Variants in SMG1 observed in about 807,000 individuals in gnomAD.
The protein encoded by SMG1 is serine/threonine-protein kinase SMG1.
A neutral mutation model predicts 419.9 loss-of-function variants in SMG1; 22 were observed. That is an observed-to-expected ratio of 0.05 (90% CI 0.04 to 0.07). SMG1 has a LOEUF of 0.07. Ranked by LOEUF, SMG1 falls within the 10% of genes least tolerant of loss-of-function variation. The pLI is 1.00. For missense variants in SMG1, 3,185 were observed against 4,342.0 expected, an observed-to-expected ratio of 0.73 and a Z score of 7.49; for synonymous variants, 1,538 against 1,553.5, an observed-to-expected ratio of 0.99 and a Z score of 0.23.
chr16:18,854,259 T>A (rs551222862), intron 30 of SMG1, among the ~76,000 whole-genome samples: 2 of 151,650 alleles, frequency 1.3e-5, no homozygotes, highest in African/African-American at 4.8e-5. Flanking sequence ...CCTAATTTCT[T>A]TGAATTTCAG....
chr16:18,891,117 G>A lies in SMG1; in HGVS notation c.550-196C>T, dbSNP rs145245488. On this transcript the variant is annotated intron_variant, in intron 4 of 62. Transcript: ENST00000446231. ...AGACTATGAAAGAAATTCACCCACT[G>A]GAAACACAGAGCTGTGATCATCAAC... Among the ~76,000 whole-genome samples the A allele has an allele frequency of 3.2e-4, 48 of 152,174 alleles. No homozygotes were observed. In the East Asian group the frequency reaches 9.3e-3, roughly 29 times the overall value.
chr16:18,913,047 TTTACTCATCTAA>T (rs2141976638), intron 1 of SMG1, among the ~76,000 whole-genome samples: 1 of 152,260 alleles, frequency 6.6e-6, no homozygotes, highest in South Asian at 2.1e-4. Context: ...TCTGGATCTT[TTTACTCATCTAA>T]TGAGAAAAGG....
chr16:18,873,508 G>A (rs36054827), intron 13 of SMG1, among the ~76,000 whole-genome samples: 2 of 152,154 alleles, frequency 1.3e-5, no homozygotes, highest in East Asian at 1.9e-4. Context: ...GAACCACTGC[G>A]CCCAGCCCAA....
chr16:18,897,085 A>G (rs952001975), intron 1 of SMG1, 129 bp from the exon 2 acceptor site: 3 of 609,744 alleles, frequency 4.9e-6, no homozygotes. Flanking sequence ...ACTATATATT[A>G]TATGTAAGCA....
At chr16:18,851,618 TA>T (rs1370142974) in intron 33 of SMG1, among the ~76,000 whole-genome samples, 1 of 152,238 alleles carries the variant, frequency 6.6e-6, no homozygotes, top group Non-Finnish European at 1.5e-5. Context: ...TGGAGTGCAG[TA>T]GTGTGATCTC....
intron 39 of SMG1, 91 bp from the exon 40 acceptor site, chr16:18,842,545 G>C: frequency 7.5e-7 from 1 of 1,332,854 alleles, no homozygotes; most frequent in East Asian, 2.5e-5. Context: ...TAAATTTTAG[G>C]TCACGGCGGC....
intron 7 of SMG1, 163 bp downstream of exon 7, chr16:18,885,378 T>G (rs920603756): frequency 1.1e-6 from 1 of 894,834 alleles, no homozygotes; most frequent in African/African-American, 1.7e-5. Flanking sequence ...TTTTAAGGTA[T>G]GAATGTCAGA....
At chr16:18,876,088 G>A in intron 13 of SMG1, 36 bp downstream of exon 13, 1 of 1,607,034 alleles carries the variant, frequency 6.2e-7, no homozygotes, top group South Asian at 1.1e-5. Flanking sequence ...AGGCTTAACT[G>A]TGGATAAAAC....
At position 18,830,348 on chromosome 16, in the gene SMG1, A is replaced by G. The variant is rs763710591; in HGVS notation, c.8814T>C (p.Gly2938=). ...AACCATTTCTCGGTTGGATTAATTCACCGTACTGAGCATGTAGTAGTCTAC... is the reference window on the plus strand; with the variant it reads ...AACCATTTCTCGGTTGGATTAATTCGCCGTACTGAGCATGTAGTAGTCTAC... ...DVARLLHAQY[G]ELIQPRNGSV... The change falls in exon 52 of 63, where the codon GGT becomes GGC. Residue 2938 remains glycine, a synonymous_variant. Coordinates refer to ENST00000446231, the MANE Select transcript of SMG1 (RefSeq NM_015092.5). 1.2e-6 allele frequency: 2 copies of G among 1,613,866 alleles called. No individual in the cohort carries two copies. Among genetic ancestry groups the G allele is most frequent in the Non-Finnish European group, 1.7e-6 (2 of 1,179,894 alleles).
rs572330343 is a variant in SMG1 at position 18,817,114 on chromosome 16, G to A, written c.10074+177C>T. ...TATTTTTAAACATATAATATGTTTC[G>A]GGGCGGGGGGGGGGGCGCTAAGAAA... On this transcript the variant is annotated intron_variant, in intron 57 of 62. Coordinates refer to ENST00000446231, the MANE Select transcript of SMG1 (RefSeq NM_015092.5). Among the ~76,000 whole-genome samples the A allele has an allele frequency of 8.3e-4, 20 of 24,064 alleles. No individual in the cohort carries two copies. The South Asian group carries it at 0.026, about 32-fold the overall frequency. The allele number at this position is 24,064 out of a possible 152,430, so 15.8% of individuals were successfully genotyped here. A position where few individuals can be genotyped will look rare whatever the true frequency, so the allele number is the denominator to read the frequency against.
In SMG1 at chr16:18,815,618, C is replaced by T; in HGVS notation, c.10336G>A (p.Val3446Ile). The part of the protein sequence containing the change: ...EEAALADGED[V>I]PYENSVRQFL... ...TGCCTAACACTGTTCTCATAGGGAA[C>T]ATCTTCACCATCTGCCAGAGCAGCT... Residue 3446 changes from valine (V) to isoleucine (I), a missense_variant, in exon 59 of 63, where the codon GTT (valine) becomes ATT (isoleucine). Coordinates refer to ENST00000446231, the MANE Select transcript of SMG1 (RefSeq NM_015092.5). 1 of 1,613,936 alleles carries T rather than the reference C, an allele frequency of 6.2e-7. No homozygotes were observed.
intron 6 of SMG1, among the ~76,000 whole-genome samples, chr16:18,888,820 CTTTT>C (rs71141087): frequency 8.9e-6 from 1 of 112,014 alleles, no homozygotes; most frequent in Admixed American, 1.1e-4. Flanking sequence ...CAACATGTAT[CTTTT>C]TTTTTTTTTT....
At position 18,836,222 on chromosome 16, in the gene SMG1, A is replaced by G; in HGVS notation, c.7778-10T>C. On this transcript the variant is annotated splice_polypyrimidine_tract_variant and intron_variant, in intron 47 of 62. Coordinates refer to ENST00000446231, the MANE Select transcript of SMG1 (RefSeq NM_015092.5). The stretch of plus-strand genomic sequence containing the variant: ...ACGTAACTTGGAGGACCTTTTGGTA[A>G]AAGACATTATTAAACACAGTAAAAC... The G allele has an allele frequency of 6.2e-7, 1 of 1,610,398 alleles. No homozygotes were observed. The highest frequency in any genetic ancestry group is 8.5e-7 in the Non-Finnish European group (1 of 1,177,696).
Position 18,837,547 on chromosome 16 carries a change from C to T in SMG1, c.7414-104G>A, listed in dbSNP as rs530036742. 8 of 983,660 alleles carry T rather than the reference C, an allele frequency of 8.1e-6. No individual in the cohort carries two copies. In the African/African-American group the frequency reaches 1.1e-4, roughly 14 times the overall value. The allele number at this position is 983,660 out of a possible 1,614,324, so 60.9% of individuals were successfully genotyped here. A position where few individuals can be genotyped will look rare whatever the true frequency, so the allele number is the denominator to read the frequency against. ...ACATCCTACTTAAATCTCTACAAAA[C>T]CCGAAAGGGGTGATGCGTTGCCTCC... On this transcript the variant is annotated intron_variant, in intron 45 of 62. Transcript: ENST00000446231.
Position 18,871,350 on chromosome 16 carries a change from A to C in SMG1, c.2302+14T>G. ...ATAAACAAAATAGAAAAAAAAAAAA[A>C]AACAGAGTCTTACTGTTGGCTAAAA... On this transcript the variant is annotated intron_variant, in intron 16 of 62. Coordinates refer to ENST00000446231, the MANE Select transcript of SMG1 (RefSeq NM_015092.5). The C allele has an allele frequency of 7.6e-7, 1 of 1,315,222 alleles. No homozygotes were observed. Among genetic ancestry groups the C allele is most frequent in the South Asian group, 1.4e-5 (1 of 72,772 alleles). The allele number at this position is 1,315,222 out of a possible 1,614,324, so 81.5% of individuals were successfully genotyped here. A position where few individuals can be genotyped will look rare whatever the true frequency, so the allele number is the denominator to read the frequency against.
intron 59 of SMG1, 59 bp downstream of exon 59, chr16:18,815,378 ACTT>A: frequency 6.3e-7 from 1 of 1,581,772 alleles, no homozygotes; most frequent in Non-Finnish European, 8.7e-7. Flanking sequence ...CAAGAGATAA[ACTT>A]CTTATACCAG....
In SMG1 at chr16:18,816,521, A is replaced by C; in HGVS notation, c.10083T>G (p.Gly3361=). Residue 3361 remains glycine (G), a synonymous_variant, in exon 58 of 63, where the codon GGT becomes GGG. Coordinates refer to ENST00000446231, the MANE Select transcript of SMG1 (RefSeq NM_015092.5). ...ELRLLQRVDT[G]LEHPIGSSEW... ...CAGAGCTGCCAATAGGATGTTCAAG[A>C]CCAGTGTCCTAAATAGAACAAGCAT... 6.2e-7 allele frequency: 1 copy of C among 1,613,812 alleles called. No individual in the cohort carries two copies. The highest frequency in any genetic ancestry group is 8.5e-7 in the Non-Finnish European group (1 of 1,179,772).
intron 54 of SMG1, 58 bp from the exon 55 acceptor site, chr16:18,828,226 A>T (rs2032897336): frequency 6.4e-7 from 1 of 1,567,080 alleles, no homozygotes; most frequent in Non-Finnish European, 8.7e-7. Context: ...TTAGATAAAT[A>T]AGGGAAGGGA....
chr16:18,905,838 C>G (rs980454399), intron 1 of SMG1, among the ~76,000 whole-genome samples: 5 of 152,094 alleles, frequency 3.3e-5, no homozygotes, highest in African/African-American at 1.2e-4. Flanking sequence ...TCTCGAACTC[C>G]TGACCTCAAG....
Sources: allele counts gnomAD v4.1 joint callset (sites outside exome capture counted in the v4.1 genomes callset), GRCh38; gene constraint gnomAD v4.1.1; transcripts MANE v1.5; gene names NCBI Gene and HGNC (gene_info 2026-07-23, HGNC 2026-07-21).